The following UGT1A10 variants were observed in gnomAD, a reference collection of about 807,000 sequenced individuals.
UGT1A10 encodes the protein UDP glucuronosyltransferase family 1 member A10.
Under a neutral mutation model 45.8 loss-of-function variants are expected in UGT1A10, and 49 were observed. The observed-to-expected ratio is 1.07, with a 90% CI of 0.85 to 1.36. The LOEUF (loss-of-function observed/expected upper bound fraction) is 1.36. UGT1A10 is among the 40% of genes most tolerant of loss of function. The pLI is 0.00. For missense variants in UGT1A10, 745 were observed against 668.6 expected (o/e 1.11, Z -1.26); for synonymous variants, 284 against 249.7 (o/e 1.14, Z -1.29).
chr2:233,722,721 T>C (rs2077032481), intron 1 of UGT1A10, among the ~76,000 whole-genome samples: 1 of 152,212 alleles, frequency 6.6e-6, no homozygotes, highest in African/African-American at 2.4e-5. Flanking sequence ...TATCAGTTTT[T>C]AAATTTCTCC....
At chr2:233,664,267 C>T (rs374588510) in intron 1 of UGT1A10, among the ~76,000 whole-genome samples, 1 of 152,198 alleles carries the variant, frequency 6.6e-6, no homozygotes, top group African/African-American at 2.4e-5. Flanking sequence ...CCTTCATCTT[C>T]CTGTCTTCTT....
chr2:233,705,905 T>C (rs1056214511), intron 1 of UGT1A10, among the ~76,000 whole-genome samples: 1 of 152,030 alleles, frequency 6.6e-6, no homozygotes, highest in African/African-American at 2.4e-5. Context: ...CTGGCCAAAA[T>C]AGTGAAACTC....
rs939309903 is a variant in UGT1A10, at chr2:233,740,736, CCT to C, written c.856-26297_856-26296del. ...CATCTTTGCACCACAGGAAATGCCC[CCT>C]TTTACACTCTGAAAACCTTATCAAA... On this transcript the variant is annotated intron_variant, in intron 1 of 4. Coordinates refer to ENST00000344644, the MANE Select transcript of UGT1A10 (RefSeq NM_019075.4). 6.7e-4 allele frequency: 101 copies of C among 151,790 alleles called. 3 individuals are homozygous for C. The highest frequency in any genetic ancestry group is 2.3e-3 in the African/African-American group (96 of 41,118). 9.4% of individuals were successfully genotyped at this position (151,790 alleles called of 1,614,324 possible).
chr2:233,686,262 T>A (rs2074780343), intron 1 of UGT1A10, among the ~76,000 whole-genome samples: 1 of 151,974 alleles, frequency 6.6e-6, no homozygotes, highest in Non-Finnish European at 1.5e-5. Flanking sequence ...TTTTTTTTTC[T>A]TGTACCAAAA....
chr2:233,647,866 T>C, intron 1 of UGT1A10: 1 of 1,378,552 alleles, frequency 7.3e-7, no homozygotes, highest in East Asian at 2.4e-5. Context: ...ATTGTTTTTC[T>C]ATTTCCTATT....
In UGT1A10 at chr2:233,672,591, A is replaced by T. The variant is rs745517861; in HGVS notation, c.855+35214A>T. 8.1e-6 allele frequency: 13 copies of T among 1,613,920 alleles called. No individual in the cohort carries two copies. The South Asian group carries it at 1.3e-4, about 16-fold the overall frequency. ...TCATGCACTTGGAGGAACATTTATT[A>T]TGCCACCGTTTTTTCAAAAATGCCC... On this transcript the variant is annotated intron_variant, in intron 1 of 4. Transcript: ENST00000344644.
At chr2:233,761,879 T>C (rs1697890681) in intron 1 of UGT1A10, among the ~76,000 whole-genome samples, 1 of 152,212 alleles carries the variant, frequency 6.6e-6, no homozygotes, top group Admixed American at 6.5e-5. Flanking sequence ...AGAGCGTTCA[T>C]TCACTTATCC....
At chr2:233,729,691 A>G (rs761191770) in intron 1 of UGT1A10, 3 of 1,613,862 alleles carry the variant, frequency 1.9e-6, no homozygotes, top group South Asian at 1.1e-5. Context: ...ACAGTGTCCA[A>G]ACCCTTCCTC....
chr2:233,729,864 G>A (rs567615944), intron 1 of UGT1A10: 25 of 1,613,784 alleles, frequency 1.5e-5, no homozygotes, highest in African/African-American at 2.7e-5. Flanking sequence ...TGTCAGTGGT[G>A]GATATTCTCA....
At chr2:233,663,737 A>C (rs561104004) in intron 1 of UGT1A10, among the ~76,000 whole-genome samples, 3 of 152,206 alleles carry the variant, frequency 2.0e-5, no homozygotes, top group Non-Finnish European at 4.4e-5. Context: ...AAGTTGGTTC[A>C]GTCTATGTCC....
chr2:233,697,561 CAATTT>C (rs2075398383), intron 1 of UGT1A10, among the ~76,000 whole-genome samples: 1 of 149,770 alleles, frequency 6.7e-6, no homozygotes, highest in Admixed American at 6.6e-5. Context: ...TATTTAGCCT[CAATTT>C]AATTTATTTT....
chr2:233,770,182 A>T (rs778207496), intron 4 of UGT1A10: 1 of 152,262 alleles, frequency 6.6e-6, no homozygotes, highest in Non-Finnish European at 1.5e-5. Flanking sequence ...CAACTTATTA[A>T]CTAACTTTCA....
chr2:233,755,063 G>C (rs776771090), intron 1 of UGT1A10: 3 of 1,334,898 alleles, frequency 2.2e-6, no homozygotes, highest in Non-Finnish European at 3.0e-6. Context: ...CCCTCGCCTC[G>C]CCATAGCGGT....
At chr2:233,767,761 G>A in intron 2 of UGT1A10, 88 bp from the exon 3 acceptor site, 6 of 1,606,158 alleles carry the variant, frequency 3.7e-6, no homozygotes, top group Non-Finnish European at 5.1e-6. Context: ...TCCTTCAGAG[G>A]ACCCCTGTTT....
chr2:233,724,376 G>C (rs1373227000), intron 1 of UGT1A10, among the ~76,000 whole-genome samples: 7 of 128,064 alleles, frequency 5.5e-5, no homozygotes, highest in African/African-American at 1.5e-4. Flanking sequence ...GGTGGCTGCC[G>C]GGCGGAGACG....
At chr2:233,695,221 G>A (rs1260804577) in intron 1 of UGT1A10, among the ~76,000 whole-genome samples, 1 of 150,756 alleles carries the variant, frequency 6.6e-6, no homozygotes, top group Admixed American at 6.6e-5. Flanking sequence ...CACCTCCTGG[G>A]TTCAAGCGAT....
At chr2:233,660,041 C>A (rs545899328) in intron 1 of UGT1A10, among the ~76,000 whole-genome samples, 1 of 152,282 alleles carries the variant, frequency 6.6e-6, no homozygotes, top group Admixed American at 6.5e-5. Context: ...GTTTTTCTTG[C>A]CTGCCATATC....
At chr2:233,696,570 G>A (rs2075349784) in intron 1 of UGT1A10, among the ~76,000 whole-genome samples, 1 of 151,964 alleles carries the variant, frequency 6.6e-6, no homozygotes, top group Non-Finnish European at 1.5e-5. Flanking sequence ...CTGAGAACAA[G>A]AATAATTTGA....
intron 1 of UGT1A10, chr2:233,692,749 C>T: frequency 9.0e-7 from 1 of 1,106,820 alleles, no homozygotes; most frequent in Middle Eastern, 3.4e-4. Context: ...GAGAAGCAGA[C>T]TTGTGGAGCT....
Sources: gnomAD v4.1 joint callset for allele counts (sites outside exome capture counted in the v4.1 genomes callset) on GRCh38, gnomAD v4.1.1 for gene constraint, MANE v1.5 for transcripts, NCBI Gene and HGNC (gene_info 2026-07-23, HGNC 2026-07-21) for gene names.